ARID2: variants seen among roughly 807,000 people sequenced by gnomAD.
ARID2 encodes the protein AT-rich interactive domain-containing protein 2.
Under a neutral mutation model 184.6 loss-of-function variants are expected in ARID2, and 32 were observed. The observed-to-expected ratio is 0.17, with a 90% CI of 0.13 to 0.23. The LOEUF (loss-of-function observed/expected upper bound fraction) is 0.23, where lower values mean the gene tolerates loss of function less well. Ranked by LOEUF, ARID2 falls within the 10% of genes least tolerant of loss-of-function variation. The pLI is 1.00. For missense variants in ARID2, 1,696 were observed against 2,197.6 expected (o/e 0.77, Z 4.56); for synonymous variants, 836 against 772.6 (o/e 1.08, Z -1.36).
Position 45,892,082 on chromosome 12 carries a change from GAAGTCTTCTACC to G in ARID2, c.5138_5147+2del, listed in dbSNP as rs761833521. The G allele has an allele frequency of 2.5e-6, 4 of 1,613,774 alleles. No individual in the cohort carries two copies. The Admixed American group carries it at 6.7e-5, about 27-fold the overall frequency. ...ATGAACCAGGACAAGCAGGAAGTCA[GAAGTCTTCTACC>G]AAGTAAGGAAAATGAGTTTACTTCC... On this transcript the variant is annotated inframe_deletion and splice_region_variant, in exon 18 of 21. Coordinates refer to ENST00000334344, the MANE Select transcript of ARID2 (RefSeq NM_152641.4).
chr12:45,863,715 T>C (rs1021536435), intron 16 of ARID2, among the ~76,000 whole-genome samples: 10 of 152,178 alleles, frequency 6.6e-5, no homozygotes, highest in Admixed American at 6.5e-4. Context: ...ATGTGCTCTC[T>C]TCCTTTTAAG....
intron 11 of ARID2, among the ~76,000 whole-genome samples, chr12:45,844,001 A>C (rs1265784034): frequency 1.3e-5 from 2 of 152,146 alleles, no homozygotes; most frequent in East Asian, 3.9e-4. Context: ...AATGAAATAA[A>C]ATACCACCAC....
At chr12:45,746,847 A>G (rs564333829) in intron 3 of ARID2, among the ~76,000 whole-genome samples, 29 of 152,238 alleles carry the variant, frequency 1.9e-4, no homozygotes, top group South Asian at 8.3e-4. Context: ...GCTCACTGCA[A>G]GCTCCGCCTT....
chr12:45,858,023 G>T (rs1174438649), intron 15 of ARID2, among the ~76,000 whole-genome samples: 1 of 152,210 alleles, frequency 6.6e-6, no homozygotes, highest in Non-Finnish European at 1.5e-5. Context: ...GCCTCCCAAA[G>T]TGCTGGGATT....
chr12:45,852,732 A>G lies in ARID2; in HGVS notation c.4609A>G (p.Arg1537Gly), dbSNP rs2138180937. The change falls in exon 15 of 21, where the codon AGA (arginine) becomes GGA (glycine). Residue 1537 changes from arginine (R) to glycine (G), a missense_variant. Around this residue, in one of 11 missense-constraint regions of ARID2, gnomAD observed 111 missense variants for 154.0 expected, o/e 0.72. Transcript: ENST00000334344. ...VAGIPNKVGV[R>G]IVTISDPNNA... ...AGGAATTCCAAATAAAGTAGGAGTT[A>G]GAATTGTTACAATCAGTGACCCCAA... is the stretch of plus-strand genomic sequence containing the variant. 6.2e-7 allele frequency: 1 copy of G among 1,614,186 alleles called. No homozygotes were observed. The highest frequency in any genetic ancestry group is 2.2e-5 in the East Asian group (1 of 44,874).
intron 3 of ARID2, among the ~76,000 whole-genome samples, chr12:45,797,679 T>G (rs1406276556): frequency 6.6e-6 from 1 of 152,114 alleles, no homozygotes; most frequent in African/African-American, 2.4e-5. Flanking sequence ...TTAAATTTCT[T>G]ACTCACCTGG....
chr12:45,858,849 T>C (rs1016962404), intron 15 of ARID2, among the ~76,000 whole-genome samples: 6 of 152,178 alleles, frequency 3.9e-5, no homozygotes, highest in African/African-American at 1.4e-4. Context: ...TTTTGGTGCA[T>C]GTGTATGTTT....
chr12:45,770,126 G>A (rs1339897098), intron 3 of ARID2, among the ~76,000 whole-genome samples: 2 of 151,910 alleles, frequency 1.3e-5, no homozygotes, highest in Non-Finnish European at 2.9e-5. Context: ...GGTGGTGGGC[G>A]CCTGTAGTCC....
chr12:45,901,708 T>C (rs372275158), intron 20 of ARID2, among the ~76,000 whole-genome samples: 3 of 152,198 alleles, frequency 2.0e-5, no homozygotes, highest in South Asian at 4.2e-4. Flanking sequence ...TTACCCAGGC[T>C]GGAGTTCAGT....
rs79002363 is a variant in ARID2, at chr12:45,852,920, T to G, written c.4773+24T>G. 2.5e-4 allele frequency: 383 copies of G among 1,522,622 alleles called. 2 individuals are homozygous for G. The African/African-American group carries it at 4.9e-3, about 20-fold the overall frequency. The allele number at this position is 1,522,622 out of a possible 1,614,324, so 94.3% of individuals were successfully genotyped here. A position where few individuals can be genotyped will look rare whatever the true frequency, so the allele number is the denominator to read the frequency against. ...AGGTAAGTTATTCCATGATCACATT[T>G]CTCTTATGAAATTTCTGATCTGTAA... On this transcript the variant is annotated intron_variant, in intron 15 of 20. Transcript: ENST00000334344.
intron 15 of ARID2, among the ~76,000 whole-genome samples, chr12:45,853,285 AGT>A (rs1943589624): frequency 6.6e-6 from 1 of 152,016 alleles, no homozygotes; most frequent in Non-Finnish European, 1.5e-5. Context: ...TTTTGACCTG[AGT>A]GTGTTTTTGT....
intron 3 of ARID2, among the ~76,000 whole-genome samples, chr12:45,748,288 G>A (rs1374589702): frequency 6.6e-6 from 1 of 152,164 alleles, no homozygotes; most frequent in East Asian, 1.9e-4. Context: ...ATACTTGGGA[G>A]GCTGAGGTGG....
intron 11 of ARID2, among the ~76,000 whole-genome samples, chr12:45,844,833 T>C (rs1422523173): frequency 6.6e-6 from 1 of 152,228 alleles, no homozygotes; most frequent in Non-Finnish European, 1.5e-5. Flanking sequence ...TCTGGATTTA[T>C]GCATTTAACC....
rs371512904 is a variant in ARID2, at chr12:45,731,284, C to A, written c.254C>A (p.Ala85Asp). ...AACTTTCCCAGAAGTTGTTCTAACG[C>A]TGCCTTTGCTTTAAAACAGTATTAC... ...EFNFPRSCSNAAFALKQYYLR... is the reference protein window; with the variant it reads ...EFNFPRSCSNDAFALKQYYLR... The change falls in exon 3 of 21, where the codon GCT becomes GAT. Residue 85 changes from alanine (A) to aspartate (D), a missense_variant. Ala to Asp is a moderately radical substitution (Grantham distance 126). This residue lies in a region of ARID2 where 148 missense variants were observed against 285.4 expected (regional missense o/e 0.52). Transcript: ENST00000334344. The A allele has an allele frequency of 3.7e-6, 6 of 1,613,940 alleles. No homozygotes were observed. In the Admixed American group the frequency reaches 5.0e-5, roughly 13 times the overall value.
intron 16 of ARID2, among the ~76,000 whole-genome samples, chr12:45,886,781 G>A (rs1224922744): frequency 6.6e-6 from 1 of 152,222 alleles, no homozygotes; most frequent in Non-Finnish European, 1.5e-5. Context: ...TACAGCCCAA[G>A]CTGTACCTTG....
At chr12:45,780,785 A>G (rs1168450193) in intron 3 of ARID2, among the ~76,000 whole-genome samples, 1 of 151,710 alleles carries the variant, frequency 6.6e-6, no homozygotes, top group African/African-American at 2.4e-5. Context: ...CGCCTGGCTA[A>G]TTTTTTGTAT....
At chr12:45,861,228 A>G (rs1054401225) in intron 16 of ARID2, among the ~76,000 whole-genome samples, 1 of 152,164 alleles carries the variant, frequency 6.6e-6, no homozygotes, top group Non-Finnish European at 1.5e-5. Context: ...TTAATTATAT[A>G]TTTGGCTGTT....
At chr12:45,759,307 T>G (rs1941631050) in intron 3 of ARID2, among the ~76,000 whole-genome samples, 1 of 152,186 alleles carries the variant, frequency 6.6e-6, no homozygotes, top group African/African-American at 2.4e-5. Flanking sequence ...TGTGTATATG[T>G]GCACATATAG....
chr12:45,819,954 G>A (rs1431957243), intron 5 of ARID2, among the ~76,000 whole-genome samples: 1 of 151,978 alleles, frequency 6.6e-6, no homozygotes, highest in Non-Finnish European at 1.5e-5. Context: ...ATGTTGGCCA[G>A]GCCAATCTCA....
Sources: allele counts gnomAD v4.1 joint callset (sites outside exome capture counted in the v4.1 genomes callset), GRCh38; gene constraint gnomAD v4.1.1; regional missense constraint gnomAD v4.1.1; transcripts MANE v1.5; gene names NCBI Gene and HGNC (gene_info 2026-07-23, HGNC 2026-07-21).